ADD2: variants seen among roughly 807,000 people sequenced by gnomAD.
ADD2 encodes beta-adducin.
Under a neutral mutation model 83.0 loss-of-function variants are expected in ADD2, and 23 were observed. The observed-to-expected ratio is 0.28, with a 90% CI of 0.20 to 0.39. ADD2 has a LOEUF of 0.39. ADD2 is among the 10% of genes least tolerant of loss of function. ADD2 has a pLI of 1.00. For missense variants in ADD2, 758 were observed against 944.9 expected (o/e 0.80, Z 2.59); for synonymous variants, 375 against 375.4 (o/e 1.00, Z 0.01).
At position 70,768,015 on chromosome 2, in the gene ADD2, T is replaced by G; in HGVS notation, c.-283A>C. On this transcript the variant is annotated 5_prime_UTR_variant, in exon 1 of 16. The change abolishes an upstream ATG in the 5' untranslated region. Coordinates refer to ENST00000264436, the MANE Select transcript of ADD2 (RefSeq NM_001617.4). ...TCTGCAGGGCAGCGTTTTCTGCCCA[T>G]GCTGCAGCCCGCGCTCGTCAGAGCT... The G allele has an allele frequency of 6.6e-7, 1 of 1,510,530 alleles. No homozygotes were observed. Among genetic ancestry groups the G allele is most frequent in the South Asian group, 1.2e-5 (1 of 81,342 alleles). 93.6% of individuals were successfully genotyped at this position (1,510,530 alleles called of 1,614,324 possible). A position where few individuals can be genotyped will look rare whatever the true frequency, so the allele number is the denominator to read the frequency against.
intron 14 of ADD2, among the ~76,000 whole-genome samples, chr2:70,674,231 G>A (rs1370936145): frequency 2.0e-5 from 3 of 152,154 alleles, no homozygotes; most frequent in Non-Finnish European, 4.4e-5. Context: ...GTGAATATTT[G>A]GGAGTCAACA....
chr2:70,698,698 T>C (rs1229077473), intron 4 of ADD2, among the ~76,000 whole-genome samples: 1 of 152,210 alleles, frequency 6.6e-6, no homozygotes, highest in African/African-American at 2.4e-5. Context: ...GTACAACTAT[T>C]AGGTATCCAT....
chr2:70,689,862 G>A (rs1316177297), intron 8 of ADD2, among the ~76,000 whole-genome samples: 2 of 152,132 alleles, frequency 1.3e-5, no homozygotes, highest in Non-Finnish European at 2.9e-5. Flanking sequence ...AAAAATAAAG[G>A]CGACAACACT....
chr2:70,708,439 C>T (rs1281710960), intron 2 of ADD2, among the ~76,000 whole-genome samples: 2 of 152,192 alleles, frequency 1.3e-5, no homozygotes, highest in Non-Finnish European at 2.9e-5. Context: ...TTTTCAAAAG[C>T]TCCCTAATCC....
At chr2:70,751,813 T>A (rs1553382968) in intron 1 of ADD2, among the ~76,000 whole-genome samples, 1 of 152,118 alleles carries the variant, frequency 6.6e-6, no homozygotes, top group Non-Finnish European at 1.5e-5. Flanking sequence ...CAGAGAACAA[T>A]ATTCTCAAAA....
intron 2 of ADD2, among the ~76,000 whole-genome samples, chr2:70,711,703 C>T (rs1261005843): frequency 5.9e-5 from 9 of 152,162 alleles, no homozygotes; most frequent in African/African-American, 2.2e-4. Flanking sequence ...TCTGTGCGCC[C>T]CACCTTACAC....
At chr2:70,735,181 C>T (rs1673472370) in intron 1 of ADD2, among the ~76,000 whole-genome samples, 1 of 151,666 alleles carries the variant, frequency 6.6e-6, no homozygotes, top group Admixed American at 6.6e-5. Context: ...TTTGTCAGCA[C>T]AGGAAGGTAC....
intron 1 of ADD2, among the ~76,000 whole-genome samples, chr2:70,756,723 G>A (rs1327511213): frequency 6.6e-6 from 1 of 152,182 alleles, no homozygotes; most frequent in Non-Finnish European, 1.5e-5. Context: ...GATGGAATGG[G>A]AAATCTGGTT....
intron 1 of ADD2, chr2:70,760,758 G>A (rs912231650): frequency 6.6e-6 from 1 of 151,982 alleles, no homozygotes; most frequent in Non-Finnish European, 1.5e-5. Flanking sequence ...CTGCACATTT[G>A]TTTCATGTCC....
chr2:70,663,865 T>C, intron 15 of ADD2, 130 bp from the exon 16 acceptor site: 4 of 971,218 alleles, frequency 4.1e-6, no homozygotes, highest in Non-Finnish European at 6.0e-6. Flanking sequence ...CAGCCTGATG[T>C]TGAGGGATGG....
Position 70,690,909 on chromosome 2 carries a change from GC to G in ADD2, c.725del (p.Gly242AlafsTer46). 1 of 1,613,126 alleles carries G rather than the reference GC, an allele frequency of 6.2e-7. No homozygotes were observed. Among genetic ancestry groups the G allele is most frequent in the Middle Eastern group, 1.7e-4 (1 of 6,044 alleles). ...ATAAVSAMKWGLLPVSHNALL... is the reference protein window; with the variant it reads ...ATAAVSAMKWXLLPVSHNALL... ...GGGCATTGTGGGAGACAGGCAGGAG[GC>G]CCCACTTCATGGCCGACACCTTAGA... On this transcript the variant is annotated frameshift_variant, in exon 8 of 16. Transcript: ENST00000264436. LOFTEE classifies it high-confidence loss of function.
In ADD2 at chr2:70,660,415, T is replaced by C. The variant is rs559194009; in HGVS notation, c.*3010A>G. Reference sequence around the variant, plus strand: ...GCAGGCCATCAACTATGTTTTAGTATTGACATTTCAAAAAGGCCTCATAGC... The same window carrying C: ...GCAGGCCATCAACTATGTTTTAGTACTGACATTTCAAAAAGGCCTCATAGC... On this transcript the variant is annotated 3_prime_UTR_variant, in exon 16 of 16. Coordinates refer to ENST00000264436, the MANE Select transcript of ADD2 (RefSeq NM_001617.4). 2.0e-5 allele frequency: 3 copies of C among 152,476 alleles called. No homozygotes were observed. Among genetic ancestry groups the C allele is most frequent in the East Asian group, 1.9e-4 (1 of 5,188 alleles). The allele number at this position is 152,476 out of a possible 1,614,324, so 9.4% of individuals were successfully genotyped here.
At chr2:70,728,602 G>A (rs527262581) in intron 1 of ADD2, among the ~76,000 whole-genome samples, 1 of 152,254 alleles carries the variant, frequency 6.6e-6, no homozygotes, top group Non-Finnish European at 1.5e-5. Flanking sequence ...TACATTAAAT[G>A]CTCTAGAAAA....
At chr2:70,765,039 G>T (rs1030003317) in intron 1 of ADD2, among the ~76,000 whole-genome samples, 1 of 151,900 alleles carries the variant, frequency 6.6e-6, no homozygotes, top group Non-Finnish European at 1.5e-5. Flanking sequence ...TTAGGAAAAA[G>T]TTCCTTTCTG....
intron 1 of ADD2, 141 bp from the exon 2 acceptor site, chr2:70,713,325 T>C: frequency 3.8e-6 from 1 of 260,508 alleles, no homozygotes; most frequent in Non-Finnish European, 6.0e-6. Context: ...TTTAAAAAGG[T>C]AAAGAGGCCA....
chr2:70,691,300 C>A (rs895232492), intron 7 of ADD2, among the ~76,000 whole-genome samples: 1 of 152,118 alleles, frequency 6.6e-6, no homozygotes, highest in Admixed American at 6.6e-5. Flanking sequence ...GGAGTTTGTA[C>A]GAGGCTAGGG....
At chr2:70,709,437 T>C (rs7558943) in intron 2 of ADD2, among the ~76,000 whole-genome samples, 55,752 of 151,992 alleles carry the variant, frequency 0.37, 11,421 homozygotes, top group African/African-American at 0.57. Flanking sequence ...TTTCCTTTCA[T>C]CTGAATGGAA....
chr2:70,686,886 G>T (rs1553370608), intron 9 of ADD2, among the ~76,000 whole-genome samples: 1 of 152,096 alleles, frequency 6.6e-6, no homozygotes, highest in East Asian at 1.9e-4. Context: ...CGATTGAAAA[G>T]GTCCCACTGC....
intron 1 of ADD2, among the ~76,000 whole-genome samples, chr2:70,759,933 TCTA>T (rs1204810065): frequency 9.9e-4 from 151 of 152,152 alleles, no homozygotes; most frequent in African/African-American, 3.5e-3. Flanking sequence ...CCACAGCCCA[TCTA>T]GCCCTGTTTC....
Sources: gnomAD v4.1 joint callset for allele counts (sites outside exome capture counted in the v4.1 genomes callset) on GRCh38, gnomAD v4.1.1 for gene constraint, MANE v1.5 for transcripts, NCBI Gene and HGNC (gene_info 2026-07-23, HGNC 2026-07-21) for gene names.